ARL6IP6: variants seen among roughly 807,000 people sequenced by gnomAD.
ARL6IP6 encodes the protein ADP-ribosylation factor-like protein 6-interacting protein 6.
In ARL6IP6, 22 loss-of-function variants were observed where a neutral mutation model predicts 21.5. The ratio of observed to expected loss-of-function variants is 1.02; its 90% confidence interval spans 0.73 to 1.46. The LOEUF (loss-of-function observed/expected upper bound fraction) is 1.46, where lower values mean the gene tolerates loss of function less well. Ranked by LOEUF, ARL6IP6 falls within the 40% of genes most tolerant of loss-of-function variation. The pLI is 0.00. For missense variants in ARL6IP6, 388 were observed against 299.8 expected, an observed-to-expected ratio of 1.29 and a Z score of -2.17; for synonymous variants, 164 against 125.3, an observed-to-expected ratio of 1.31 and a Z score of -2.06.
upstream of ARL6IP6, chr2:152,717,963 C>T (rs879549708): frequency 5.0e-6 from 5 of 1,005,592 alleles, no homozygotes; most frequent in Admixed American, 5.7e-5. Flanking sequence ...AGGAGGGGTT[C>T]GGAGGAGAGG....
At chr2:152,758,078 G>A (rs1464147119) in intron 3 of ARL6IP6, among the ~76,000 whole-genome samples, 2 of 152,102 alleles carry the variant, frequency 1.3e-5, no homozygotes, top group East Asian at 3.9e-4. Flanking sequence ...ACTGGTTCCA[G>A]GATTCCACAC....
At chr2:152,731,219 C>T (rs1700294419) in intron 2 of ARL6IP6, among the ~76,000 whole-genome samples, 1 of 152,188 alleles carries the variant, frequency 6.6e-6, no homozygotes, top group Non-Finnish European at 1.5e-5. Flanking sequence ...GAAATGAACA[C>T]AGAGCCCATT....
At chr2:152,753,198 A>T (rs1701419816) in intron 3 of ARL6IP6, among the ~76,000 whole-genome samples, 1 of 152,202 alleles carries the variant, frequency 6.6e-6, no homozygotes, top group East Asian at 1.9e-4. Flanking sequence ...CTCCATGTAG[A>T]TATGACAGCT....
upstream of ARL6IP6, chr2:152,718,321 G>A (rs1448100399): frequency 9.5e-6 from 3 of 314,576 alleles, no homozygotes; most frequent in Admixed American, 1.0e-4. Flanking sequence ...CTCCGGCCGG[G>A]ACGAAGCCCC....
At chr2:152,721,723 CTCTAA>C (rs1282281305) in intron 2 of ARL6IP6, among the ~76,000 whole-genome samples, 1 of 152,146 alleles carries the variant, frequency 6.6e-6, no homozygotes, top group Non-Finnish European at 1.5e-5. Context: ...TTCCTAAACT[CTCTAA>C]TCTACCACTT....
At chr2:152,751,424 A>G (rs995910984) in intron 3 of ARL6IP6, among the ~76,000 whole-genome samples, 5 of 152,202 alleles carry the variant, frequency 3.3e-5, no homozygotes, top group African/African-American at 9.7e-5. Flanking sequence ...CTAAAGTGCT[A>G]TAGAACACTA....
At chr2:152,744,891 G>A (rs1700976064) in intron 3 of ARL6IP6, among the ~76,000 whole-genome samples, 1 of 152,132 alleles carries the variant, frequency 6.6e-6, no homozygotes, top group South Asian at 2.1e-4. Flanking sequence ...AAGTGAGAAA[G>A]AAAAGGGAAC....
At chr2:152,734,161 C>T (rs894341052) in intron 2 of ARL6IP6, among the ~76,000 whole-genome samples, 1 of 152,042 alleles carries the variant, frequency 6.6e-6, no homozygotes, top group Non-Finnish European at 1.5e-5. Context: ...CCCTTTATGC[C>T]TCCTATTCTT....
rs1320803169 is a variant in ARL6IP6, at chr2:152,761,420, CA to C, written c.*1581del. ...TCATTGCAAAGATGTACACAAGTAA[CA>C]GAATCAATTTATCTTCTCTCCACCA... On this transcript the variant is annotated 3_prime_UTR_variant, in exon 4 of 4. Transcript: ENST00000326446. Among the ~76,000 whole-genome samples the C allele has an allele frequency of 3.3e-5, 5 of 152,130 alleles. No individual in the cohort carries two copies. Among genetic ancestry groups the C allele is most frequent in the Non-Finnish European group, 5.9e-5 (4 of 68,028 alleles).
At chr2:152,718,046 G>A, upstream of ARL6IP6, 1 of 995,308 alleles carries the variant, frequency 1.0e-6, no homozygotes, top group Non-Finnish European at 1.2e-6. Context: ...CGGGAGGGAA[G>A]TTGTAGTACG....
At chr2:152,759,723 A>G in intron 3 of ARL6IP6, 24 bp from the exon 4 acceptor site, 2 of 1,589,360 alleles carry the variant, frequency 1.3e-6, no homozygotes, top group Non-Finnish European at 1.7e-6. Context: ...TTCTTTTTTG[A>G]TTTGTGTTTT....
At chr2:152,718,057 G>C, upstream of ARL6IP6, 1 of 994,906 alleles carries the variant, frequency 1.0e-6, no homozygotes, top group Non-Finnish European at 1.2e-6. Context: ...TTGTAGTACG[G>C]GTGGGGAGAA....
At chr2:152,754,862 A>G (rs1438898800) in intron 3 of ARL6IP6, among the ~76,000 whole-genome samples, 3 of 152,024 alleles carry the variant, frequency 2.0e-5, no homozygotes, top group Non-Finnish European at 2.9e-5. Flanking sequence ...CTTATTGGCT[A>G]TTTGTATGTA....
chr2:152,728,808 C>A (rs1700163683), intron 2 of ARL6IP6, among the ~76,000 whole-genome samples: 1 of 152,112 alleles, frequency 6.6e-6, no homozygotes, highest in Non-Finnish European at 1.5e-5. Flanking sequence ...TGACTGAAAT[C>A]CCAGAACTTT....
chr2:152,748,462 A>G (rs970427425), intron 3 of ARL6IP6, among the ~76,000 whole-genome samples: 3 of 152,208 alleles, frequency 2.0e-5, no homozygotes, highest in Non-Finnish European at 4.4e-5. Flanking sequence ...AGTAACTCCA[A>G]ACAAAGCTTA....
intron 3 of ARL6IP6, among the ~76,000 whole-genome samples, chr2:152,749,314 A>ACACACACACACAC (rs1701206001): frequency 6.7e-6 from 1 of 150,120 alleles, no homozygotes; most frequent in African/African-American, 2.5e-5. Flanking sequence ...CACACACAAA[A>ACACACACACACAC]ACACACACAC....
chr2:152,745,610 G>A (rs1256604219), intron 3 of ARL6IP6, among the ~76,000 whole-genome samples: 1 of 152,172 alleles, frequency 6.6e-6, no homozygotes, highest in Non-Finnish European at 1.5e-5. Flanking sequence ...ATTTTGGAGA[G>A]CTGCCTCTTT....
chr2:152,748,652 C>G (rs185011862), intron 3 of ARL6IP6, among the ~76,000 whole-genome samples: 15 of 152,332 alleles, frequency 9.8e-5, no homozygotes, highest in African/African-American at 3.6e-4. Context: ...GGGCCTTTAA[C>G]ATATCTTCTT....
chr2:152,751,162 T>A (rs1574065025), intron 3 of ARL6IP6, among the ~76,000 whole-genome samples: 1 of 152,162 alleles, frequency 6.6e-6, no homozygotes, highest in Middle Eastern at 3.4e-3. Flanking sequence ...TGAATGGAAA[T>A]TTTTTAATTT....
Sources: gnomAD v4.1 joint callset for allele counts (sites outside exome capture counted in the v4.1 genomes callset) on GRCh38, gnomAD v4.1.1 for gene constraint, MANE v1.5 for transcripts, NCBI Gene and HGNC (gene_info 2026-07-23, HGNC 2026-07-21) for gene names.